The following NOS1AP variants were observed in gnomAD, a reference collection of about 807,000 sequenced individuals.
The protein encoded by NOS1AP is carboxyl-terminal PDZ ligand of neuronal nitric oxide synthase protein.
NOS1AP carries 21 observed loss-of-function variants against 56.2 expected under a neutral mutation model. The observed-to-expected ratio is 0.37, with a 90% CI of 0.26 to 0.54. The LOEUF is 0.54. Ranked by LOEUF, NOS1AP falls within the 20% of genes least tolerant of loss-of-function variation. The pLI, the probability that NOS1AP is intolerant of heterozygous loss-of-function variation, is 0.84. For synonymous variants in NOS1AP, 270 were observed against 274.6 expected, an observed-to-expected ratio of 0.98 and a Z score of 0.17; for missense variants, 522 against 657.8, an observed-to-expected ratio of 0.79 and a Z score of 2.26.
chr1:162,214,625 A>G (rs1280155861), intron 2 of NOS1AP, among the ~76,000 whole-genome samples: 2 of 152,102 alleles, frequency 1.3e-5, no homozygotes, highest in South Asian at 2.1e-4. Flanking sequence ...GTCAAGCTGC[A>G]TATCTTTTTA....
chr1:162,098,614 C>G (rs150539620), intron 1 of NOS1AP, among the ~76,000 whole-genome samples: 3 of 152,052 alleles, frequency 2.0e-5, no homozygotes, highest in Admixed American at 6.5e-5. Context: ...ATCCCATCAC[C>G]TAGGTATTAA....
intron 2 of NOS1AP, among the ~76,000 whole-genome samples, chr1:162,268,319 C>G (rs1031493740): frequency 2.1e-5 from 3 of 144,736 alleles, no homozygotes; most frequent in African/African-American, 4.9e-5. Context: ...TAGCTCCCCC[C>G]CCCTATTTCT....
intron 2 of NOS1AP, among the ~76,000 whole-genome samples, chr1:162,238,673 C>T (rs1370029047): frequency 6.6e-6 from 1 of 152,142 alleles, no homozygotes; most frequent in East Asian, 1.9e-4. Context: ...TCACTGAGTA[C>T]TTACTGTGTG....
chr1:162,250,838 A>G (rs901949689), intron 2 of NOS1AP, among the ~76,000 whole-genome samples: 1 of 152,108 alleles, frequency 6.6e-6, no homozygotes, highest in Admixed American at 6.6e-5. Context: ...TGTGGATACC[A>G]TTATCAGCCA....
At chr1:162,149,419 G>T (rs773942235) in intron 1 of NOS1AP, among the ~76,000 whole-genome samples, 1 of 152,218 alleles carries the variant, frequency 6.6e-6, no homozygotes, top group Non-Finnish European at 1.5e-5. Context: ...CCTCCAGCAA[G>T]TATGTCTGGT....
rs187299250 is a variant in NOS1AP, at chr1:162,185,137, A to G, written c.177+30661A>G. 9.8e-4 allele frequency among the ~76,000 whole-genome samples: 149 copies of G among 152,284 alleles called. 1 individual carries two copies. The highest frequency in any genetic ancestry group is 3.5e-3 in the African/African-American group (145 of 41,558). On this transcript the variant is annotated intron_variant, in intron 2 of 9. Coordinates refer to ENST00000361897, the MANE Select transcript of NOS1AP (RefSeq NM_014697.3). ...TGCATCTCTCTGACCATTCTTCCATAGATATATCTCTTCTATCTTCCTCTT... is the reference window on the plus strand; with the variant it reads ...TGCATCTCTCTGACCATTCTTCCATGGATATATCTCTTCTATCTTCCTCTT...
chr1:162,229,541 A>G (rs569994730), intron 2 of NOS1AP, among the ~76,000 whole-genome samples: 4 of 152,082 alleles, frequency 2.6e-5, no homozygotes, highest in South Asian at 2.1e-4. Flanking sequence ...AGGTGCTTGA[A>G]GCCTGAGTTT....
intron 2 of NOS1AP, among the ~76,000 whole-genome samples, chr1:162,196,443 T>TG (rs773433625): frequency 3.3e-5 from 5 of 152,240 alleles, no homozygotes; most frequent in Non-Finnish European, 7.3e-5. Flanking sequence ...CTCCGTATGT[T>TG]GCGGGGATTT....
intron 2 of NOS1AP, among the ~76,000 whole-genome samples, chr1:162,180,224 ATTTTAT>A (rs1030352189): frequency 2.0e-5 from 3 of 151,842 alleles, no homozygotes; most frequent in African/African-American, 7.3e-5. Flanking sequence ...ATGATGTGTT[ATTTTAT>A]TTTTATTTAT....
intron 2 of NOS1AP, among the ~76,000 whole-genome samples, chr1:162,203,531 A>G (rs948552877): frequency 6.6e-6 from 1 of 152,200 alleles, no homozygotes; most frequent in Non-Finnish European, 1.5e-5. Flanking sequence ...TGGGAATCAC[A>G]CAGGAAAGAT....
At chr1:162,176,662 C>A (rs1651072681) in intron 2 of NOS1AP, among the ~76,000 whole-genome samples, 1 of 151,978 alleles carries the variant, frequency 6.6e-6, no homozygotes, top group African/African-American at 2.4e-5. Context: ...GCGTGTGCTA[C>A]CACGCCCAGC....
intron 2 of NOS1AP, among the ~76,000 whole-genome samples, chr1:162,172,332 C>T (rs944908775): frequency 6.6e-6 from 1 of 152,220 alleles, no homozygotes; most frequent in African/African-American, 2.4e-5. Context: ...TTATGAGCAT[C>T]TTGGCTTTGT....
chr1:162,272,024 AT>A lies in NOS1AP; in HGVS notation c.178-15311del, dbSNP rs35021270. Among the ~76,000 whole-genome samples the A allele has an allele frequency of 3.4e-3, 510 of 151,276 alleles. 9 individuals carry two copies. Among genetic ancestry groups the A allele is most frequent in the Admixed American group, 0.022 (338 of 15,206 alleles). ...CCTCCTGAGTAGGGACTGCCAGCTA[AT>A]TTTTTTTTGTAGACACAGGGTCTCA... On this transcript the variant is annotated intron_variant, in intron 2 of 9. Transcript: ENST00000361897.
At chr1:162,262,828 G>A (rs1439858316) in intron 2 of NOS1AP, among the ~76,000 whole-genome samples, 3 of 152,084 alleles carry the variant, frequency 2.0e-5, no homozygotes, top group Admixed American at 6.5e-5. Context: ...CTCATTTATC[G>A]AGCCCTTGAA....
chr1:162,345,636 G>T (rs1290417800), intron 6 of NOS1AP, among the ~76,000 whole-genome samples: 1 of 152,190 alleles, frequency 6.6e-6, no homozygotes, highest in Non-Finnish European at 1.5e-5. Flanking sequence ...ATGCTAGTCT[G>T]CAAATGGCAG....
At chr1:162,224,765 CT>C (rs1338389380) in intron 2 of NOS1AP, among the ~76,000 whole-genome samples, 1 of 152,102 alleles carries the variant, frequency 6.6e-6, no homozygotes, top group East Asian at 1.9e-4. Flanking sequence ...TAGTGCCTGT[CT>C]TTGTTCCCAG....
chr1:162,255,237 T>C (rs201556677), intron 2 of NOS1AP, among the ~76,000 whole-genome samples: 1 of 152,192 alleles, frequency 6.6e-6, no homozygotes, highest in East Asian at 1.9e-4. Context: ...GTTTGTTTTA[T>C]AGATTGGTCA....
chr1:162,231,651 T>A (rs1653129567), intron 2 of NOS1AP, among the ~76,000 whole-genome samples: 1 of 152,212 alleles, frequency 6.6e-6, no homozygotes. Flanking sequence ...ACTGGCCACA[T>A]TTCAAGTGCT....
chr1:162,301,371 A>G (rs183578295), intron 4 of NOS1AP, among the ~76,000 whole-genome samples: 3 of 152,344 alleles, frequency 2.0e-5, no homozygotes, highest in African/African-American at 7.2e-5. Context: ...GGGAAGACAC[A>G]GCTAGAAGGT....
Sources: allele counts gnomAD v4.1 joint callset (sites outside exome capture counted in the v4.1 genomes callset), GRCh38; gene constraint gnomAD v4.1.1; transcripts MANE v1.5; gene names NCBI Gene and HGNC (gene_info 2026-07-23, HGNC 2026-07-21).